The following UTP6 variants were observed in gnomAD, a reference collection of about 807,000 sequenced individuals.
UTP6 encodes U3 small nucleolar RNA-associated protein 6 homolog.
UTP6 carries 60 observed loss-of-function variants against 96.5 expected under a neutral mutation model. That is an observed-to-expected ratio of 0.62 (90% CI 0.51 to 0.77). UTP6 has a LOEUF of 0.77. UTP6 is among the 30% of genes least tolerant of loss of function. The probability of loss-of-function intolerance (pLI) is 0.00; values close to 1 mark genes in which losing one functional copy is unlikely to be tolerated. For synonymous variants in UTP6, 215 were observed against 240.1 expected (o/e 0.90, Z 0.96); for missense variants, 637 against 706.5 (o/e 0.90, Z 1.12).
At chr17:31,869,983 C>T (rs879105359) in intron 16 of UTP6, among the ~76,000 whole-genome samples, 2 of 152,170 alleles carry the variant, frequency 1.3e-5, no homozygotes, top group African/African-American at 2.4e-5. Flanking sequence ...GCTGTATCCA[C>T]GCTACTGCCA....
intron 3 of UTP6, 27 bp downstream of exon 3, chr17:31,894,943 C>G (rs1178996484): frequency 1.3e-6 from 2 of 1,558,780 alleles, no homozygotes; most frequent in Non-Finnish European, 1.8e-6. Context: ...GTATTTTTCT[C>G]CAACTTCTAG....
At chr17:31,899,878 G>T in intron 1 of UTP6, 148 bp from the exon 2 acceptor site, 1 of 615,676 alleles carries the variant, frequency 1.6e-6, no homozygotes, top group Non-Finnish European at 2.6e-6. Context: ...GGACACAGTG[G>T]CTCATGCCTG....
intron 1 of UTP6, among the ~76,000 whole-genome samples, chr17:31,900,322 C>T (rs1275028292): frequency 6.6e-6 from 1 of 151,896 alleles, no homozygotes; most frequent in Non-Finnish European, 1.5e-5. Flanking sequence ...GTTTTTTTCT[C>T]GCTCTGTCGC....
At chr17:31,879,280 C>T (rs968921578) in intron 11 of UTP6, among the ~76,000 whole-genome samples, 8 of 151,852 alleles carry the variant, frequency 5.3e-5, no homozygotes, top group Non-Finnish European at 5.9e-5. Context: ...ATCCCAGCTA[C>T]TCGGGAGGCT....
intron 2 of UTP6, among the ~76,000 whole-genome samples, chr17:31,898,513 G>A (rs1904786506): frequency 6.7e-6 from 1 of 148,318 alleles, no homozygotes; most frequent in Non-Finnish European, 1.5e-5. Flanking sequence ...CAATAAGAGT[G>A]AAACTCCATC....
chr17:31,871,501 C>A (rs1910170198), intron 16 of UTP6, among the ~76,000 whole-genome samples: 1 of 151,682 alleles, frequency 6.6e-6, no homozygotes, highest in Admixed American at 6.6e-5. Context: ...CAATCCCAGC[C>A]CTTTGGGAGG....
At position 31,883,655 on chromosome 17, in the gene UTP6, A is replaced by G. The variant is rs1310297342; in HGVS notation, c.785+769T>C. The stretch of plus-strand genomic sequence containing the variant: ...ATTGAATAAACTATTTCCCCCAGTA[A>G]GTGAATCAAAGAACTCAATCAGGAA... On this transcript the variant is annotated intron_variant, in intron 10 of 18. Coordinates refer to ENST00000261708, the MANE Select transcript of UTP6 (RefSeq NM_018428.3). Among the ~76,000 whole-genome samples, 3 of 151,384 alleles carry G rather than the reference A, an allele frequency of 2.0e-5. No homozygotes were observed. In the East Asian group the frequency reaches 5.9e-4, roughly 30 times the overall value.
At chr17:31,894,895 A>C (rs926711283) in intron 3 of UTP6, 75 bp downstream of exon 3, 2 of 1,386,658 alleles carry the variant, frequency 1.4e-6, no homozygotes, top group African/African-American at 2.8e-5. Flanking sequence ...TGTCTCCCAA[A>C]CACAAGTCCT....
At chr17:31,887,120 C>A in intron 8 of UTP6, 116 bp downstream of exon 8, 1 of 932,184 alleles carries the variant, frequency 1.1e-6, no homozygotes, top group Non-Finnish European at 1.6e-6. Context: ...GAGACTCCGT[C>A]TCAAAAAAAA....
At chr17:31,891,997 T>A (rs1193903397) in intron 6 of UTP6, among the ~76,000 whole-genome samples, 1 of 152,042 alleles carries the variant, frequency 6.6e-6, no homozygotes, top group East Asian at 1.9e-4. Context: ...CCCTCCAGCC[T>A]GGGCGACAGA....
intron 16 of UTP6, among the ~76,000 whole-genome samples, chr17:31,869,645 T>A (rs1006481794): frequency 6.6e-6 from 1 of 152,186 alleles, no homozygotes; most frequent in Non-Finnish European, 1.5e-5. Flanking sequence ...CCACAGTGCC[T>A]GGCCCATCAG....
chr17:31,873,270 T>G, intron 16 of UTP6, 108 bp downstream of exon 16: 2 of 1,058,448 alleles, frequency 1.9e-6, no homozygotes, highest in Admixed American at 2.3e-5. Flanking sequence ...AAAGAAAAAG[T>G]GTATCAGATT....
chr17:31,873,409 C>T lies in UTP6; in HGVS notation c.1465G>A (p.Gly489Ser), dbSNP rs1598098928. ...AACACAGCTCTGGCCTTTTTGTAGC[C>T]ACCACTTCGATAAGCCCAATCCAGG... ...KYLDWAYRSG[G>S]YKKARAVFKS... The change falls in exon 16 of 19, where the codon GGC (glycine) becomes AGC (serine). Residue 489 changes from glycine to serine, a missense_variant. Gly to Ser is a moderately conservative substitution (Grantham distance 56). Transcript: ENST00000261708. 6.2e-7 allele frequency: 1 copy of T among 1,614,130 alleles called. No homozygotes were observed. The highest frequency in any genetic ancestry group is 2.2e-5 in the East Asian group (1 of 44,878).
Position 31,863,446 on chromosome 17 carries a change from G to T in UTP6, c.1707C>A (p.Ile569=). The part of the protein sequence containing the change: ...PLGRPENCGQ[I]YWRAMKMLQG... Reference sequence around the variant, plus strand: ...GCAACATTTTCATCGCTCGCCAGTAGATCTGTCCACAGTTCTCAGGTCTAC... The same window carrying T: ...GCAACATTTTCATCGCTCGCCAGTATATCTGTCCACAGTTCTCAGGTCTAC... The change falls in exon 19 of 19, where the codon ATC becomes ATA. Residue 569 remains isoleucine (I), a synonymous_variant. Transcript: ENST00000261708. 1.9e-6 allele frequency: 3 copies of T among 1,613,976 alleles called. No homozygotes were observed. The highest frequency in any genetic ancestry group is 2.5e-6 in the Non-Finnish European group (3 of 1,179,988).
chr17:31,883,235 A>T (rs1910946431), intron 10 of UTP6, among the ~76,000 whole-genome samples: 1 of 152,090 alleles, frequency 6.6e-6, no homozygotes. Context: ...ACCAGCACTC[A>T]ACTATAAACA....
chr17:31,889,297 T>A lies in UTP6; in HGVS notation c.531A>T (p.Lys177Asn). Residue 177 changes from lysine (K) to asparagine (N), a missense_variant, in exon 7 of 19, where the codon AAA becomes AAT. Lys to Asn is a moderately conservative substitution (Grantham distance 94). Coordinates refer to ENST00000261708, the MANE Select transcript of UTP6 (RefSeq NM_018428.3). ...RALRFHPECP[K>N]LYKEYFRMEL... Reference sequence around the variant, plus strand: ...CATACACACTCACTTCTTTATAAAGTTTTGGGCACTCTGGATGAAAGCGCA... The same window carrying A: ...CATACACACTCACTTCTTTATAAAGATTTGGGCACTCTGGATGAAAGCGCA... The A allele has an allele frequency of 2.5e-6, 4 of 1,612,598 alleles. No homozygotes were observed. Among genetic ancestry groups the A allele is most frequent in the Non-Finnish European group, 3.4e-6 (4 of 1,179,040 alleles).
intron 13 of UTP6, among the ~76,000 whole-genome samples, chr17:31,877,038 A>C (rs866769020): frequency 6.6e-6 from 1 of 152,152 alleles, no homozygotes; most frequent in African/African-American, 2.4e-5. Flanking sequence ...ATCAATAAAC[A>C]AAAATCAATC....
intron 6 of UTP6, among the ~76,000 whole-genome samples, chr17:31,890,205 A>G (rs528681172): frequency 1.3e-5 from 2 of 152,044 alleles, no homozygotes; most frequent in South Asian, 4.1e-4. Flanking sequence ...CATGTTGCTC[A>G]GGCTGGTCTC....
chr17:31,883,658 G>T (rs939088263), intron 10 of UTP6, among the ~76,000 whole-genome samples: 1 of 151,184 alleles, frequency 6.6e-6, no homozygotes, highest in African/African-American at 2.4e-5. Context: ...CCCAGTAAGT[G>T]AATCAAAGAA....
Sources: gnomAD v4.1 joint callset for allele counts (sites outside exome capture counted in the v4.1 genomes callset) on GRCh38, gnomAD v4.1.1 for gene constraint, MANE v1.5 for transcripts, NCBI Gene and HGNC (gene_info 2026-07-23, HGNC 2026-07-21) for gene names.